The following AGAP1 variants were observed in gnomAD, a reference collection of about 807,000 sequenced individuals.
AGAP1 encodes the protein arf-GAP with GTPase, ANK repeat and PH domain-containing protein 1.
A neutral mutation model predicts 105.3 loss-of-function variants in AGAP1; 29 were observed. That is an observed-to-expected ratio of 0.28 (90% CI 0.21 to 0.38). The LOEUF (loss-of-function observed/expected upper bound fraction) is 0.38, where lower values mean the gene tolerates loss of function less well. Ranked by LOEUF, AGAP1 falls within the 10% of genes least tolerant of loss-of-function variation. AGAP1 has a pLI of 1.00. For synonymous variants in AGAP1, 509 were observed against 485.9 expected, an observed-to-expected ratio of 1.05 and a Z score of -0.63; for missense variants, 998 against 1,165.1, an observed-to-expected ratio of 0.86 and a Z score of 2.09.
At chr2:235,999,293 G>A (rs1162752341) in intron 13 of AGAP1, among the ~76,000 whole-genome samples, 4 of 90,860 alleles carry the variant, frequency 4.4e-5, no homozygotes, top group South Asian at 5.2e-4. Context: ...CTGAGAGGTG[G>A]TGGTGGTGAT....
At chr2:235,499,473 T>C (rs1309797991) in intron 1 of AGAP1, among the ~76,000 whole-genome samples, 1 of 152,204 alleles carries the variant, frequency 6.6e-6, no homozygotes, top group African/African-American at 2.4e-5. Context: ...ATCCTTCAAG[T>C]TGAATGAAAG....
rs764950059 is a variant in AGAP1, at chr2:236,056,500, T to TC, written c.2114+7220dup. ...TGCCCTGACCACGTTCAAGCCTGTG[T>TC]CTACTTGTGGGAGTGTATGAAGGAA... On this transcript the variant is annotated intron_variant, in intron 16 of 17. Coordinates refer to ENST00000304032, the MANE Select transcript of AGAP1 (RefSeq NM_001037131.3). The surrounding 1 kb of genome is among the most constrained non-coding windows in gnomAD (Gnocchi z 4.6). 2.0e-4 allele frequency among the ~76,000 whole-genome samples: 31 copies of TC among 152,240 alleles called. No individual in the cohort carries two copies. The highest frequency in any genetic ancestry group is 3.7e-4 in the Non-Finnish European group (25 of 68,044).
At position 236,043,653 on chromosome 2, in the gene AGAP1, G is replaced by A. The variant is rs185325892; in HGVS notation, c.1891+2812G>A. Reference sequence around the variant, plus strand: ...GAGGCAGGACTTGAACTCGAGAGGCGGAGTTTGCAGTGAGCCAAGATCACG... The same window carrying A: ...GAGGCAGGACTTGAACTCGAGAGGCAGAGTTTGCAGTGAGCCAAGATCACG... On this transcript the variant is annotated intron_variant, in intron 15 of 17. Transcript: ENST00000304032. Among the ~76,000 whole-genome samples the A allele has an allele frequency of 3.5e-3, 528 of 151,594 alleles. 3 individuals carry two copies. The highest frequency in any genetic ancestry group is 5.0e-3 in the South Asian group (24 of 4,774).
rs954826866 is a variant in AGAP1 at position 236,056,213 on chromosome 2, C to T, written c.2114+6932C>T. Among the ~76,000 whole-genome samples the T allele has an allele frequency of 2.0e-5, 3 of 152,254 alleles. No homozygotes were observed. The highest frequency in any genetic ancestry group is 7.2e-5 in the African/African-American group (3 of 41,544). On this transcript the variant is annotated intron_variant, in intron 16 of 17. Coordinates refer to ENST00000304032, the MANE Select transcript of AGAP1 (RefSeq NM_001037131.3). This position sits in a 1 kb window ranked among gnomAD's most constrained non-coding sequence, Gnocchi z 4.6. ...ACTATACTTGCATTTGCCTTTGAAC[C>T]AGACAGACAGAATGGTGCTCTCGGT...
chr2:235,571,320 T>C (rs192126180), intron 1 of AGAP1, among the ~76,000 whole-genome samples: 235 of 152,366 alleles, frequency 1.5e-3, no homozygotes, highest in African/African-American at 5.5e-3. Flanking sequence ...AAACATTTTA[T>C]GAATGATTGT....
At position 235,577,431 on chromosome 2, in the gene AGAP1, A is replaced by T. The variant is rs1325606638; in HGVS notation, c.163+82582A>T. The stretch of plus-strand genomic sequence containing the variant: ...TTTTGATTAAAACCCCATTCTCTTG[A>T]CCTTCTGCCCAAAGCCTTTGCCAGA... On this transcript the variant is annotated intron_variant, in intron 1 of 17. Coordinates refer to ENST00000304032, the MANE Select transcript of AGAP1 (RefSeq NM_001037131.3). This position sits in a 1 kb window ranked among gnomAD's most constrained non-coding sequence, Gnocchi z 4.5. Among the ~76,000 whole-genome samples the T allele has an allele frequency of 6.6e-6, 1 of 151,980 alleles. No homozygotes were observed. Among genetic ancestry groups the T allele is most frequent in the Non-Finnish European group, 1.5e-5 (1 of 68,008 alleles).
At chr2:235,597,575 A>T (rs1945566560) in intron 1 of AGAP1, among the ~76,000 whole-genome samples, 2 of 152,230 alleles carry the variant, frequency 1.3e-5, no homozygotes, top group Admixed American at 1.3e-4. Context: ...ACCTTACTGC[A>T]CAATTGATAC....
At chr2:236,032,678 G>A (rs772755910) in intron 13 of AGAP1, among the ~76,000 whole-genome samples, 8 of 152,108 alleles carry the variant, frequency 5.3e-5, no homozygotes, top group Non-Finnish European at 8.8e-5. Context: ...GAAAAGAGGT[G>A]ATGATCTCTC....
At chr2:235,841,587 G>A (rs1392147056) in intron 9 of AGAP1, among the ~76,000 whole-genome samples, 2 of 152,220 alleles carry the variant, frequency 1.3e-5, no homozygotes, top group East Asian at 1.9e-4. Context: ...CTGTGATCTC[G>A]CCACTGCACT....
chr2:235,537,011 C>T (rs1005348455), intron 1 of AGAP1, among the ~76,000 whole-genome samples: 12 of 152,196 alleles, frequency 7.9e-5, no homozygotes, highest in Non-Finnish European at 1.8e-4. Context: ...TTCATTCCTC[C>T]CTAGTGAGGC....
Position 235,744,922 on chromosome 2 carries a change from T to C in AGAP1, c.538+83T>C. On this transcript the variant is annotated intron_variant, in intron 5 of 17. Coordinates refer to ENST00000304032, the MANE Select transcript of AGAP1 (RefSeq NM_001037131.3). This position sits in a 1 kb window ranked among gnomAD's most constrained non-coding sequence, Gnocchi z 5.2. ...AGTATGGAGGAGTTTAAAAAATGCTTTAAAGAAGGAAAAATTGCCTACTGA... is the reference window on the plus strand; with the variant it reads ...AGTATGGAGGAGTTTAAAAAATGCTCTAAAGAAGGAAAAATTGCCTACTGA... 4 of 1,520,188 alleles carry C rather than the reference T, an allele frequency of 2.6e-6. No individual in the cohort carries two copies. Among genetic ancestry groups the C allele is most frequent in the South Asian group, 1.3e-5 (1 of 77,656 alleles). 94.2% of individuals were successfully genotyped at this position (1,520,188 alleles called of 1,614,324 possible).
At chr2:236,103,572 CT>C (rs933809122) in intron 16 of AGAP1, among the ~76,000 whole-genome samples, 32 of 140,768 alleles carry the variant, frequency 2.3e-4, no homozygotes, top group African/African-American at 7.9e-4. Context: ...TTCTTTTCTT[CT>C]TTTTTTTCCC....
chr2:235,758,819 A>G (rs766873097), intron 6 of AGAP1, among the ~76,000 whole-genome samples: 9 of 152,244 alleles, frequency 5.9e-5, no homozygotes, highest in South Asian at 2.1e-4. Flanking sequence ...TTTTGAGACA[A>G]TGTCTCACTG....
At chr2:235,798,456 G>A (rs1303975016) in intron 7 of AGAP1, among the ~76,000 whole-genome samples, 2 of 152,124 alleles carry the variant, frequency 1.3e-5, no homozygotes, top group Non-Finnish European at 2.9e-5. Flanking sequence ...ACGTTTCTTG[G>A]GCAGGTATTC....
intron 6 of AGAP1, among the ~76,000 whole-genome samples, chr2:235,796,927 A>G (rs775556176): frequency 6.6e-5 from 10 of 152,202 alleles, no homozygotes; most frequent in Non-Finnish European, 1.2e-4. Flanking sequence ...TTCCTTTCCA[A>G]TTACATTCAG....
intron 16 of AGAP1, among the ~76,000 whole-genome samples, chr2:236,060,173 A>G (rs1419478328): frequency 1.3e-5 from 2 of 152,248 alleles, no homozygotes; most frequent in Non-Finnish European, 2.9e-5. Context: ...CTTTTAGAAG[A>G]AAATACGGGG....
At chr2:235,627,777 G>T (rs1019788076) in intron 1 of AGAP1, among the ~76,000 whole-genome samples, 5 of 152,120 alleles carry the variant, frequency 3.3e-5, no homozygotes, top group African/African-American at 1.2e-4. Flanking sequence ...CATGTCTATT[G>T]CTGAGAAAGA....
chr2:236,075,039 A>C (rs1377378), intron 16 of AGAP1, among the ~76,000 whole-genome samples: 43,843 of 152,040 alleles, frequency 0.29, 7,551 homozygotes, highest in African/African-American at 0.46. Flanking sequence ...GACGATAGAG[A>C]CAGACCTTCT....
chr2:235,553,484 A>G lies in AGAP1; in HGVS notation c.163+58635A>G, dbSNP rs200687760. ...AGTTAAGAACTGATTTGAGGTCACT[A>G]GCACATGGTGAGTAGTTAGTAAACA... On this transcript the variant is annotated intron_variant, in intron 1 of 17. Transcript: ENST00000304032. This position sits in a 1 kb window ranked among gnomAD's most constrained non-coding sequence, Gnocchi z 4.5. 2.6e-5 allele frequency among the ~76,000 whole-genome samples: 4 copies of G among 152,322 alleles called. No homozygotes were observed. Among genetic ancestry groups the G allele is most frequent in the South Asian group, 4.1e-4 (2 of 4,824 alleles).
Sources: gnomAD v4.1 joint callset for allele counts (sites outside exome capture counted in the v4.1 genomes callset) on GRCh38, gnomAD v4.1.1 for gene constraint, Gnocchi (gnomAD v3.1) non-coding constraint, MANE v1.5 for transcripts, NCBI Gene and HGNC (gene_info 2026-07-23, HGNC 2026-07-21) for gene names.